Variants in MIA2 observed in about 807,000 individuals in gnomAD.
The protein encoded by MIA2 is MIA SH3 domain ER export factor 2, also known as melanoma inhibitory activity protein 2.
In MIA2, 127 loss-of-function variants were observed where a neutral mutation model predicts 167.8. The ratio of observed to expected loss-of-function variants is 0.76; its 90% CI spans 0.66 to 0.88. The LOEUF (loss-of-function observed/expected upper bound fraction) is 0.88, where lower values mean the gene tolerates loss of function less well. Ranked by LOEUF, MIA2 falls within the 40% of genes least tolerant of loss-of-function variation. The pLI is 0.00. For synonymous variants in MIA2, 552 were observed against 541.9 expected (o/e 1.02, Z -0.26); for missense variants, 1,690 against 1,624.7 (o/e 1.04, Z -0.69).
chr14:39,323,557 A>C (rs2066893924), intron 24 of MIA2, among the ~76,000 whole-genome samples: 1 of 151,898 alleles, frequency 6.6e-6, no homozygotes, highest in South Asian at 2.1e-4. Context: ...AAACCGCTAC[A>C]TGAAATAGTA....
rs35478238 is a variant in MIA2, at chr14:39,311,466, C to CTTTTTTTTTTTTTTTTTTTTTT, written c.3018-1869_3018-1848dup. 1.6e-4 allele frequency among the ~76,000 whole-genome samples: 7 copies of CTTTTTTTTTTTTTTTTTTTTTT among 43,322 alleles called. 2 individuals carry two copies. Among genetic ancestry groups the CTTTTTTTTTTTTTTTTTTTTTT allele is most frequent in the Non-Finnish European group, 2.0e-4 (5 of 24,894 alleles). The allele number at this position is 43,322 out of a possible 152,430, so 28.4% of individuals were successfully genotyped here. ...TAGGACCTAGAAGCTTGATGTGTTG[C>CTTTTTTTTTTTTTTTTTTTTTT]TTTTTTTTTTTTTTTTTTTTTTTTT... On this transcript the variant is annotated intron_variant, in intron 18 of 28. Coordinates refer to ENST00000640607, the MANE Select transcript of MIA2 (RefSeq NM_001329214.4).
chr14:39,356,337 G>C (rs1206579629), downstream of MIA2, among the ~76,000 whole-genome samples: 3 of 152,190 alleles, frequency 2.0e-5, no homozygotes, highest in Non-Finnish European at 4.4e-5. Context: ...TAGTTTATTT[G>C]CATAGAGGTG....
rs1555390607 is a variant in MIA2 at position 39,314,810 on chromosome 14, A to ATATGTGTGTGTG, written c.3180+12_3180+13insATGTGTGTGTGT. The ATATGTGTGTGTG allele has an allele frequency of 2.5e-3, 2,647 of 1,065,548 alleles. 52 individuals are homozygous for ATATGTGTGTGTG. In the African/African-American group the frequency reaches 0.041, roughly 16 times the overall value. 66.0% of individuals were successfully genotyped at this position (1,065,548 alleles called of 1,614,324 possible). ...TCTTATCAAGGGCAGGTATATATAT[A>ATATGTGTGTGTG]TGTGTGTGTGTGTGTGTGTGTGTGT... On this transcript the variant is annotated intron_variant, in intron 20 of 28. Transcript: ENST00000640607.
At chr14:39,292,593 C>T (rs2060880411) in intron 10 of MIA2, 1 of 187,634 alleles carries the variant, frequency 5.3e-6, no homozygotes, top group East Asian at 1.8e-4. Context: ...GTTTTTAAAT[C>T]ACTGTAATGT....
intron 25 of MIA2, among the ~76,000 whole-genome samples, chr14:39,328,221 G>T (rs2067976884): frequency 6.6e-6 from 1 of 152,190 alleles, no homozygotes; most frequent in African/African-American, 2.4e-5. Context: ...AATGACCAGT[G>T]ATGGTGAGCT....
intron 23 of MIA2, among the ~76,000 whole-genome samples, chr14:39,360,597 A>G (rs1463084887): frequency 6.6e-6 from 1 of 152,032 alleles, no homozygotes; most frequent in Non-Finnish European, 1.5e-5. Context: ...CCATTCAACC[A>G]CTTGTCTCTT....
intron 18 of MIA2, among the ~76,000 whole-genome samples, chr14:39,312,522 G>T (rs1244159021): frequency 2.0e-5 from 3 of 152,220 alleles, no homozygotes; most frequent in Non-Finnish European, 2.9e-5. Flanking sequence ...ATCCATTTAG[G>T]ACTCCAAATG....
chr14:39,336,038 G>A (rs1437837447), intron 25 of MIA2, among the ~76,000 whole-genome samples: 1 of 152,140 alleles, frequency 6.6e-6, no homozygotes. Context: ...TCATGTCTTT[G>A]CTGTTGTGAA....
intron 9 of MIA2, among the ~76,000 whole-genome samples, chr14:39,280,011 C>T (rs2058687670): frequency 6.6e-6 from 1 of 151,332 alleles, no homozygotes; most frequent in African/African-American, 2.4e-5. Flanking sequence ...GTCTTTGATC[C>T]ATTTGAAATC....
Position 39,279,540 on chromosome 14 carries a change from A to G in MIA2, c.2130+3A>G. 1.9e-6 allele frequency: 3 copies of G among 1,571,324 alleles called. No homozygotes were observed. Among genetic ancestry groups the G allele is most frequent in the Non-Finnish European group, 2.6e-6 (3 of 1,149,672 alleles). On this transcript the variant is annotated splice_donor_region_variant and intron_variant, in intron 9 of 28. Coordinates refer to ENST00000640607, the MANE Select transcript of MIA2 (RefSeq NM_001329214.4). Reference sequence around the variant, plus strand: ...AATTTAGCCTTGTTCAAAAAGAGGTAAGATATTTTTGAAAATAATATTCAT... The same window carrying G: ...AATTTAGCCTTGTTCAAAAAGAGGTGAGATATTTTTGAAAATAATATTCAT...
At chr14:39,341,599 A>C (rs142308164) in intron 25 of MIA2, among the ~76,000 whole-genome samples, 1 of 152,090 alleles carries the variant, frequency 6.6e-6, no homozygotes, top group Non-Finnish European at 1.5e-5. Context: ...AGTTGTTTCA[A>C]TTTTCTTGTT....
At chr14:39,252,656 G>T in intron 4 of MIA2, 92 bp from the exon 5 acceptor site, 2 of 886,754 alleles carry the variant, frequency 2.3e-6, no homozygotes, top group Admixed American at 4.8e-5. Context: ...ACCTACAAAA[G>T]TTCAGAAAAA....
At chr14:39,250,310 A>G (rs1047173544) in intron 4 of MIA2, among the ~76,000 whole-genome samples, 6 of 152,144 alleles carry the variant, frequency 3.9e-5, no homozygotes, top group Non-Finnish European at 8.8e-5. Context: ...GTGTGATCCT[A>G]TAGTCCCAGC....
Position 39,279,463 on chromosome 14 carries a change from C to A in MIA2, c.2056C>A (p.Leu686Ile). ...GACTTTTTTAGGACGAGAGAAAAAG[C>A]TTGCTCTAATGCTTTCTGGACTAAT... ...SRLYVGREKK[L>I]ALMLSGLIEE... Residue 686 changes from leucine to isoleucine, a missense_variant, in exon 9 of 29, where the codon CTT becomes ATT. Leu to Ile is a conservative substitution (Grantham distance 5). Transcript: ENST00000640607. The A allele has an allele frequency of 6.2e-7, 1 of 1,607,270 alleles. No individual in the cohort carries two copies.
At chr14:39,287,934 T>C (rs1161162831) in intron 9 of MIA2, among the ~76,000 whole-genome samples, 1 of 152,092 alleles carries the variant, frequency 6.6e-6, no homozygotes, top group African/African-American at 2.4e-5. Context: ...AGCCTCAACC[T>C]CCTGGGGTCA....
In MIA2 at chr14:39,234,169, T is replaced by G. The variant is rs767470254; in HGVS notation, c.55T>G (p.Cys19Gly). ...TCTTCTGGCTATTTCTCTGACAAAG[T>G]GTCTGGAGAGTACAAAACTGCTGGC... ...ILLLAISLTK[C>G]LESTKLLADL... Residue 19 changes from cysteine to glycine, a missense_variant, in exon 1 of 29, where the codon TGT (cysteine) becomes GGT (glycine). Cys to Gly is a radical substitution (Grantham distance 159). Coordinates refer to ENST00000640607, the MANE Select transcript of MIA2 (RefSeq NM_001329214.4). 1.9e-6 allele frequency: 3 copies of G among 1,610,484 alleles called. No individual in the cohort carries two copies. The highest frequency in any genetic ancestry group is 8.5e-7 in the Non-Finnish European group (1 of 1,178,712).
intron 16 of MIA2, 139 bp downstream of exon 16, chr14:39,303,663 C>A: frequency 1.8e-6 from 1 of 566,178 alleles, no homozygotes; most frequent in South Asian, 2.6e-5. Flanking sequence ...TTTTCATCAT[C>A]AATTGCTTTT....
At chr14:39,347,366 AGAG>A (rs1054041142) in intron 26 of MIA2, among the ~76,000 whole-genome samples, 2 of 152,160 alleles carry the variant, frequency 1.3e-5, no homozygotes, top group East Asian at 1.9e-4. Context: ...GGAAGGAAGA[AGAG>A]GAGGAAGGAG....
At chr14:39,271,929 A>G (rs1034857324) in intron 6 of MIA2, among the ~76,000 whole-genome samples, 6 of 152,162 alleles carry the variant, frequency 3.9e-5, no homozygotes, top group African/African-American at 1.4e-4. Context: ...AAGGCAGGAA[A>G]GTCCCCCTGT....
Sources: allele counts gnomAD v4.1 joint callset (sites outside exome capture counted in the v4.1 genomes callset), GRCh38; gene constraint gnomAD v4.1.1; transcripts MANE v1.5; gene names NCBI Gene and HGNC (gene_info 2026-07-23, HGNC 2026-07-21).